The following LRRTM4 variants were observed in gnomAD, a reference collection of about 807,000 sequenced individuals.
The protein encoded by LRRTM4 is leucine-rich repeat transmembrane neuronal protein 4.
A neutral mutation model predicts 47.6 loss-of-function variants in LRRTM4; 25 were observed. That is an observed-to-expected ratio of 0.53 (90% CI 0.38 to 0.73). The LOEUF is 0.73. Among genes scored for constraint, LRRTM4 ranks in the 30% least tolerant of loss-of-function variants. The probability of loss-of-function intolerance (pLI) is 0.00; values close to 1 mark genes in which losing one functional copy is unlikely to be tolerated. For missense variants in LRRTM4, 638 were observed against 713.4 expected, an observed-to-expected ratio of 0.89 and a Z score of 1.20; for synonymous variants, 311 against 269.5, an observed-to-expected ratio of 1.15 and a Z score of -1.51.
At chr2:76,817,955 G>A (rs765800438) in intron 3 of LRRTM4, among the ~76,000 whole-genome samples, 11 of 151,728 alleles carry the variant, frequency 7.2e-5, no homozygotes, top group Non-Finnish European at 1.3e-4. Context: ...TAATCATGTT[G>A]GACATAACAC....
intron 3 of LRRTM4, among the ~76,000 whole-genome samples, chr2:77,222,422 G>A (rs1490486266): frequency 6.6e-6 from 1 of 152,106 alleles, no homozygotes; most frequent in Admixed American, 6.6e-5. Flanking sequence ...CCAGGAGCTG[G>A]TTTTTTGAAA....
chr2:77,294,054 C>T (rs1052576044), intron 3 of LRRTM4, among the ~76,000 whole-genome samples: 35 of 152,106 alleles, frequency 2.3e-4, no homozygotes, highest in African/African-American at 7.5e-4. Context: ...CACATAGATG[C>T]ATGTGTGTAT....
intron 3 of LRRTM4, among the ~76,000 whole-genome samples, chr2:77,481,623 T>C (rs1214320431): frequency 6.6e-6 from 1 of 152,186 alleles, no homozygotes; most frequent in East Asian, 1.9e-4. Context: ...CTAAGTCTTC[T>C]CATGCACCAG....
intron 3 of LRRTM4, among the ~76,000 whole-genome samples, chr2:76,926,959 A>G (rs1421785972): frequency 6.6e-6 from 1 of 152,192 alleles, no homozygotes; most frequent in Non-Finnish European, 1.5e-5. Flanking sequence ...AAGCAAAGAT[A>G]CGTGAAAATG....
intron 3 of LRRTM4, among the ~76,000 whole-genome samples, chr2:76,881,847 C>T (rs928270311): frequency 8.5e-5 from 13 of 152,074 alleles, no homozygotes; most frequent in African/African-American, 3.1e-4. Flanking sequence ...CCATCCTATT[C>T]TAACACTGAA....
At chr2:77,146,479 T>C (rs1052786228) in intron 3 of LRRTM4, among the ~76,000 whole-genome samples, 2 of 152,146 alleles carry the variant, frequency 1.3e-5, no homozygotes, top group African/African-American at 2.4e-5. Context: ...AGCTGAAACA[T>C]TGCACTATAA....
chr2:76,980,127 C>T (rs1676555612), intron 3 of LRRTM4, among the ~76,000 whole-genome samples: 3 of 151,992 alleles, frequency 2.0e-5, no homozygotes, highest in African/African-American at 7.2e-5. Context: ...TTACAAGTAT[C>T]CATGTTCTTC....
At chr2:76,871,027 A>C (rs1672608673) in intron 3 of LRRTM4, among the ~76,000 whole-genome samples, 3 of 152,154 alleles carry the variant, frequency 2.0e-5, no homozygotes, top group African/African-American at 4.8e-5. Context: ...CAGACAACAC[A>C]ATTAGGTTGC....
In LRRTM4 at chr2:77,084,503, A is replaced by T. The variant is rs369702733; in HGVS notation, c.1552-335587T>A. ...CAGACATAACTACGTATCGTACTTAATATTTCCATATTTACCCTTACATTA... is the reference window on the plus strand; with the variant it reads ...CAGACATAACTACGTATCGTACTTATTATTTCCATATTTACCCTTACATTA... On this transcript the variant is annotated intron_variant, in intron 3 of 3. Coordinates refer to ENST00000409884, the MANE Select transcript of LRRTM4 (RefSeq NM_001134745.3). Among the ~76,000 whole-genome samples the T allele has an allele frequency of 6.6e-5, 10 of 152,204 alleles. No individual in the cohort carries two copies. In the South Asian group the frequency reaches 1.2e-3, roughly 19 times the overall value.
intron 3 of LRRTM4, among the ~76,000 whole-genome samples, chr2:77,031,721 CTAACTA>C (rs60225000): frequency 0.23 from 34,843 of 151,484 alleles, 4,364 homozygotes; most frequent in East Asian, 0.4. Context: ...CATGTGATCT[CTAACTA>C]TATCTTTGTG....
chr2:77,244,369 T>G (rs1414921694), intron 3 of LRRTM4, among the ~76,000 whole-genome samples: 2 of 151,898 alleles, frequency 1.3e-5, no homozygotes, highest in Non-Finnish European at 2.9e-5. Flanking sequence ...ATGGTTGAAC[T>G]AGTTTACAGT....
At chr2:76,823,863 A>C (rs529431159) in intron 3 of LRRTM4, among the ~76,000 whole-genome samples, 4 of 151,684 alleles carry the variant, frequency 2.6e-5, no homozygotes, top group Non-Finnish European at 5.9e-5. Flanking sequence ...AGCACTTAAA[A>C]ATAAAACATA....
intron 3 of LRRTM4, among the ~76,000 whole-genome samples, chr2:76,902,315 T>C (rs902546309): frequency 6.6e-6 from 1 of 152,206 alleles, no homozygotes. Flanking sequence ...CCCTTTTTTA[T>C]CTATCTTTTT....
intron 3 of LRRTM4, among the ~76,000 whole-genome samples, chr2:77,089,859 C>A (rs1169991473): frequency 1.3e-5 from 2 of 152,132 alleles, no homozygotes; most frequent in Non-Finnish European, 2.9e-5. Context: ...GTAAAATAGG[C>A]AAACGGTCTG....
intron 3 of LRRTM4, among the ~76,000 whole-genome samples, chr2:76,797,006 G>A (rs1217552284): frequency 6.6e-6 from 1 of 152,114 alleles, no homozygotes; most frequent in Non-Finnish European, 1.5e-5. Flanking sequence ...ACCTGAAAGT[G>A]ATGGGGAGAA....
At chr2:77,487,165 C>A (rs1050779132) in intron 3 of LRRTM4, among the ~76,000 whole-genome samples, 11 of 152,234 alleles carry the variant, frequency 7.2e-5, no homozygotes, top group African/African-American at 2.7e-4. Flanking sequence ...GAGCCAGGAA[C>A]AGGAGGGAGC....
chr2:76,781,413 G>T (rs990619870), intron 3 of LRRTM4, among the ~76,000 whole-genome samples: 1 of 152,246 alleles, frequency 6.6e-6, no homozygotes, highest in African/African-American at 2.4e-5. Context: ...AGACTCCGTG[G>T]GCGTAGGACC....
intron 3 of LRRTM4, among the ~76,000 whole-genome samples, chr2:77,327,147 C>A (rs1028016772): frequency 6.6e-6 from 1 of 152,080 alleles, no homozygotes; most frequent in African/African-American, 2.4e-5. Flanking sequence ...AAAAGGATAG[C>A]GGTCAAGCTA....
At chr2:77,054,630 A>G (rs941731533) in intron 3 of LRRTM4, among the ~76,000 whole-genome samples, 5 of 152,216 alleles carry the variant, frequency 3.3e-5, no homozygotes, top group Middle Eastern at 3.2e-3. Flanking sequence ...GACACTCCCA[A>G]TAAGTACAGA....
Sources: gnomAD v4.1 joint callset for allele counts (sites outside exome capture counted in the v4.1 genomes callset) on GRCh38, gnomAD v4.1.1 for gene constraint, MANE v1.5 for transcripts, NCBI Gene and HGNC (gene_info 2026-07-23, HGNC 2026-07-21) for gene names.